ITIH2: variants seen among roughly 807,000 people sequenced by gnomAD.
The protein encoded by ITIH2 is inter-alpha-trypsin inhibitor heavy chain 2.
A neutral mutation model predicts 104.4 loss-of-function variants in ITIH2; 103 were observed. The observed-to-expected ratio is 0.99, with a 90% CI of 0.84 to 1.16. The LOEUF (loss-of-function observed/expected upper bound fraction) is 1.16, where lower values mean the gene tolerates loss of function less well. Among genes scored for constraint, ITIH2 ranks in the 50% most tolerant of loss-of-function variants. The probability of loss-of-function intolerance (pLI) is 0.00; values close to 1 mark genes in which losing one functional copy is unlikely to be tolerated. For synonymous variants in ITIH2, 436 were observed against 435.4 expected (o/e 1.00, Z -0.02); for missense variants, 1,108 against 1,162.4 (o/e 0.95, Z 0.68).
intron 5 of ITIH2, among the ~76,000 whole-genome samples, chr10:7,714,707 C>T (rs1340257050): frequency 2.0e-5 from 3 of 152,168 alleles, no homozygotes; most frequent in Non-Finnish European, 4.4e-5. Context: ...ACAACAATAT[C>T]TGCAGTGGGC....
chr10:7,712,620 AAAC>A (rs1197933428), intron 4 of ITIH2, among the ~76,000 whole-genome samples: 8 of 152,168 alleles, frequency 5.3e-5, no homozygotes, highest in Non-Finnish European at 1.0e-4. Flanking sequence ...ATCTATAAAC[AAAC>A]AACAGTACAT....
chr10:7,723,891 G>A (rs1030002367), intron 9 of ITIH2, among the ~76,000 whole-genome samples: 2 of 151,832 alleles, frequency 1.3e-5, no homozygotes, highest in Non-Finnish European at 2.9e-5. Context: ...TCACCTCTTT[G>A]AAAAACAGAA....
At position 7,747,480 on chromosome 10, in the gene ITIH2, G is replaced by C. The variant is rs1172445967; in HGVS notation, c.2693+776G>C. 2.0e-5 allele frequency among the ~76,000 whole-genome samples: 3 copies of C among 152,194 alleles called. No individual in the cohort carries two copies. The East Asian group carries it at 5.8e-4, about 29-fold the overall frequency. ...TCTTAGTGAATATGCCATTCAATTA[G>C]TATCAGTTTATGGGAGGAATGAGGT... On this transcript the variant is annotated intron_variant, in intron 20 of 20. Coordinates refer to ENST00000358415, the MANE Select transcript of ITIH2 (RefSeq NM_002216.3).
intron 16 of ITIH2, among the ~76,000 whole-genome samples, 187 bp downstream of exon 16, chr10:7,738,945 T>G (rs961600619): frequency 6.6e-6 from 1 of 152,222 alleles, no homozygotes; most frequent in South Asian, 2.1e-4. Flanking sequence ...AATCATGTAT[T>G]TACAGAATCC....
rs143792235 is a variant in ITIH2, at chr10:7,713,208, C to T, written c.390C>T (p.Ser130=). The change falls in exon 5 of 21, where the codon AGC becomes AGT. Residue 130 remains serine (S), a synonymous_variant. Transcript: ENST00000358415. ...SMTVDGKTFR[S]SIKEKTVGRA... is the part of the protein sequence containing the mutation. ...CTGTGGACGGCAAGACATTTAGGAG[C>T]TCTATTAAGGAGAAAACTGTGGGCC... is the stretch of plus-strand genomic sequence containing the variant. The T allele has an allele frequency of 2.0e-5, 33 of 1,614,048 alleles. No individual in the cohort carries two copies. The highest frequency in any genetic ancestry group is 2.8e-5 in the Non-Finnish European group (33 of 1,179,934).
At chr10:7,725,482 T>C (rs1245057906) in intron 9 of ITIH2, among the ~76,000 whole-genome samples, 1 of 152,142 alleles carries the variant, frequency 6.6e-6, no homozygotes, top group Non-Finnish European at 1.5e-5. Flanking sequence ...TGTGCAGTCA[T>C]GATCAGAGCT....
In ITIH2 at chr10:7,732,324, C is replaced by T. The variant is rs775710980; in HGVS notation, c.1648-14C>T. On this transcript the variant is annotated splice_polypyrimidine_tract_variant and intron_variant, in intron 13 of 20. Transcript: ENST00000358415. The stretch of plus-strand genomic sequence containing the variant: ...GTTACCCAGTGTCTCTCAACTGAAC[C>T]TTCCATCATCTAGGCTAACACGCAG... 1.9e-5 allele frequency: 31 copies of T among 1,609,054 alleles called. No individual in the cohort carries two copies. The highest frequency in any genetic ancestry group is 8.3e-5 in the Admixed American group (5 of 59,912).
intron 17 of ITIH2, 52 bp downstream of exon 17, chr10:7,743,311 C>T (rs753383021): frequency 4.6e-6 from 4 of 872,516 alleles, no homozygotes; most frequent in Non-Finnish European, 7.5e-6. Flanking sequence ...GTCATGCTTT[C>T]CTGTCACTGC....
chr10:7,710,784 G>A (rs1003149934), intron 4 of ITIH2, among the ~76,000 whole-genome samples: 42 of 152,168 alleles, frequency 2.8e-4, no homozygotes, highest in African/African-American at 9.4e-4. Flanking sequence ...AGCAAAGGGA[G>A]AAGGAAAGGC....
At chr10:7,737,428 C>T (rs199778213) in intron 15 of ITIH2, among the ~76,000 whole-genome samples, 1,461 of 109,712 alleles carry the variant, frequency 0.013, 44 homozygotes, top group African/African-American at 0.053. Context: ...TATATATATA[C>T]ACGTGTATAT....
intron 11 of ITIH2, among the ~76,000 whole-genome samples, chr10:7,728,767 T>C (rs1225165294): frequency 6.6e-6 from 1 of 152,084 alleles, no homozygotes; most frequent in East Asian, 1.9e-4. Context: ...GTTGCCTGAG[T>C]GTGCTGTCGT....
intron 3 of ITIH2, among the ~76,000 whole-genome samples, chr10:7,708,028 CTGCCCTGAAT>C (rs1834763565): frequency 6.6e-6 from 1 of 152,188 alleles, no homozygotes; most frequent in Non-Finnish European, 1.5e-5. Flanking sequence ...GTTGTGCTTC[CTGCCCTGAAT>C]TGGCAGAAAC....
chr10:7,738,393 C>T (rs982186743), intron 15 of ITIH2, among the ~76,000 whole-genome samples: 2 of 148,716 alleles, frequency 1.3e-5, no homozygotes, highest in African/African-American at 5.0e-5. Flanking sequence ...AGCGGTTCCT[C>T]CCACTGCCAC....
chr10:7,739,381 T>A (rs1171600550), intron 16 of ITIH2, among the ~76,000 whole-genome samples: 1 of 152,134 alleles, frequency 6.6e-6, no homozygotes, highest in Non-Finnish European at 1.5e-5. Flanking sequence ...TCCCTCTCCC[T>A]GAAGGAAGGT....
intron 10 of ITIH2, 108 bp from the exon 11 acceptor site, chr10:7,727,595 A>C: frequency 7.7e-7 from 1 of 1,301,204 alleles, no homozygotes; most frequent in Non-Finnish European, 1.1e-6. Flanking sequence ...TTGGCATGGA[A>C]TAAGTGATGG....
intron 18 of ITIH2, 97 bp downstream of exon 18, chr10:7,744,377 C>T: frequency 2.8e-6 from 3 of 1,063,132 alleles, no homozygotes; most frequent in African/African-American, 1.6e-5. Context: ...AAAAAATCAT[C>T]ATTTTAAATA....
intron 4 of ITIH2, 31 bp from the exon 5 acceptor site, chr10:7,713,150 G>C (rs1203813073): frequency 1.3e-6 from 2 of 1,518,092 alleles, no homozygotes; most frequent in Admixed American, 3.4e-5. Context: ...TTACTATTCT[G>C]ACCAACTGGT....
intron 8 of ITIH2, among the ~76,000 whole-genome samples, chr10:7,723,050 T>C (rs534110683): frequency 6.8e-6 from 1 of 146,808 alleles, no homozygotes; most frequent in African/African-American, 2.6e-5. Flanking sequence ...TGAAGTGAAG[T>C]GGCATGGAGT....
chr10:7,725,299 C>A (rs1423800765), intron 9 of ITIH2, among the ~76,000 whole-genome samples: 1 of 152,098 alleles, frequency 6.6e-6, no homozygotes, highest in Non-Finnish European at 1.5e-5. Context: ...TGAGGAGACC[C>A]TGAGAAGGTG....
Sources: gnomAD v4.1 joint callset for allele counts (sites outside exome capture counted in the v4.1 genomes callset) on GRCh38, gnomAD v4.1.1 for gene constraint, MANE v1.5 for transcripts, NCBI Gene and HGNC (gene_info 2026-07-23, HGNC 2026-07-21) for gene names.